SLC35F3: variants seen among roughly 807,000 people sequenced by gnomAD.
SLC35F3 encodes the protein putative thiamine transporter SLC35F3.
In SLC35F3, 25 loss-of-function variants were observed where a neutral mutation model predicts 49.9. The observed-to-expected ratio is 0.50, with a 90% CI of 0.37 to 0.70. The LOEUF (loss-of-function observed/expected upper bound fraction) is 0.70, where lower values mean the gene tolerates loss of function less well. Ranked by LOEUF, SLC35F3 falls within the 30% of genes least tolerant of loss-of-function variation. The probability of loss-of-function intolerance (pLI) is 0.00; values close to 1 mark genes in which losing one functional copy is unlikely to be tolerated. For synonymous variants in SLC35F3, 275 were observed against 265.4 expected, an observed-to-expected ratio of 1.04 and a Z score of -0.35; for missense variants, 525 against 639.8, an observed-to-expected ratio of 0.82 and a Z score of 1.94.
intron 2 of SLC35F3, among the ~76,000 whole-genome samples, chr1:234,148,146 G>A (rs528593222): frequency 3.9e-5 from 6 of 152,286 alleles, no homozygotes; most frequent in African/African-American, 1.4e-4. Context: ...ACACACCTGG[G>A]GCTGGGCTCT....
At chr1:234,001,168 GC>G (rs1245697946) in intron 2 of SLC35F3, among the ~76,000 whole-genome samples, 1 of 152,152 alleles carries the variant, frequency 6.6e-6, no homozygotes, top group African/African-American at 2.4e-5. Flanking sequence ...GGATGGCAAG[GC>G]AAACATCTGT....
At chr1:233,982,787 A>G (rs1663206818) in intron 2 of SLC35F3, among the ~76,000 whole-genome samples, 2 of 152,144 alleles carry the variant, frequency 1.3e-5, no homozygotes, top group African/African-American at 2.4e-5. Context: ...GTCCCTGCCT[A>G]CACAAAGTTT....
rs117736346 is a variant in SLC35F3, at chr1:234,170,819, C to T, written c.284-60598C>T. Among the ~76,000 whole-genome samples the T allele has an allele frequency of 2.3e-4, 35 of 152,286 alleles. No individual in the cohort carries two copies. In the East Asian group the frequency reaches 3.5e-3, roughly 15 times the overall value. ...AAGAAGTACTTAACGGTTGCACGAA[C>T]GCAATTTCCTTTCCTCCCAAGTCAC... On this transcript the variant is annotated intron_variant, in intron 2 of 7. Transcript: ENST00000366618.
At chr1:234,307,428 G>C (rs75374163) in intron 3 of SLC35F3, among the ~76,000 whole-genome samples, 3,325 of 152,262 alleles carry the variant, frequency 0.022, 122 homozygotes, top group African/African-American at 0.075. Flanking sequence ...TCTCTAAGGA[G>C]TTTTCCTGTT....
intron 2 of SLC35F3, among the ~76,000 whole-genome samples, chr1:233,994,233 A>T (rs1349825348): frequency 6.6e-6 from 1 of 152,226 alleles, no homozygotes; most frequent in African/African-American, 2.4e-5. Context: ...ACTATGGACT[A>T]GGTAGGATCT....
At position 234,309,215 on chromosome 1, in the gene SLC35F3, A is replaced by G; in HGVS notation, c.723A>G (p.Ile241Met). ...CAAACTACCTGTACTTACATGCAATAAAGAAAATAAACACTACGGATGTCT... is the reference window on the plus strand; with the variant it reads ...CAAACTACCTGTACTTACATGCAATGAAGAAAATAAACACTACGGATGTCT... ...TLTNYLYLHA[I>M]KKINTTDVSV... Residue 241 changes from isoleucine to methionine, a missense_variant, in exon 4 of 8, where the codon ATA (isoleucine) becomes ATG (methionine). By Grantham distance (10) the Ile-to-Met change is conservative. Transcript: ENST00000366618. 6.2e-7 allele frequency: 1 copy of G among 1,614,234 alleles called. No homozygotes were observed. The highest frequency in any genetic ancestry group is 8.5e-7 in the Non-Finnish European group (1 of 1,180,036).
intron 2 of SLC35F3, among the ~76,000 whole-genome samples, chr1:233,929,692 C>T (rs1662212158): frequency 6.6e-6 from 1 of 152,108 alleles, no homozygotes; most frequent in Non-Finnish European, 1.5e-5. Flanking sequence ...TAATGCAACC[C>T]TTAAAGAGCC....
In SLC35F3 at chr1:233,954,668, T is replaced by C. The variant is rs1308456780; in HGVS notation, c.283+48910T>C. 2.0e-5 allele frequency among the ~76,000 whole-genome samples: 3 copies of C among 152,308 alleles called. No homozygotes were observed. The East Asian group carries it at 5.8e-4, about 29-fold the overall frequency. ...AAAGCCTCCCAAAGATAAAGGGCTT[T>C]ATCTTTTGCTCTTCCCTTTTCCCCC... On this transcript the variant is annotated intron_variant, in intron 2 of 7. Transcript: ENST00000366618.
chr1:234,161,630 G>A (rs1223015192), intron 2 of SLC35F3, among the ~76,000 whole-genome samples: 1 of 151,960 alleles, frequency 6.6e-6, no homozygotes, highest in East Asian at 1.9e-4. Flanking sequence ...GCTGGAAAAT[G>A]TAAAACAAAA....
chr1:234,009,564 G>T (rs1480805133), intron 2 of SLC35F3, among the ~76,000 whole-genome samples: 1 of 152,146 alleles, frequency 6.6e-6, no homozygotes, highest in East Asian at 1.9e-4. Context: ...GGGTTATAAT[G>T]TACCTCCCAA....
chr1:233,980,760 G>C lies in SLC35F3; in HGVS notation c.283+75002G>C, dbSNP rs563144497. Among the ~76,000 whole-genome samples, 4 of 152,274 alleles carry C rather than the reference G, an allele frequency of 2.6e-5. No individual in the cohort carries two copies. In the East Asian group the frequency reaches 7.7e-4, roughly 29 times the overall value. On this transcript the variant is annotated intron_variant, in intron 2 of 7. Transcript: ENST00000366618. ...ATACACTGAAACAAGTGAGAAATTT[G>C]AGCTCCCTTCACATCGTACTGTCAA...
intron 6 of SLC35F3, 81 bp downstream of exon 6, chr1:234,319,024 A>T: frequency 8.6e-7 from 1 of 1,160,666 alleles, no homozygotes. Context: ...CCCTGAAGGC[A>T]GAAAACAGTG....
At chr1:233,986,652 A>G (rs1663270475) in intron 2 of SLC35F3, among the ~76,000 whole-genome samples, 1 of 152,166 alleles carries the variant, frequency 6.6e-6, no homozygotes, top group African/African-American at 2.4e-5. Flanking sequence ...GCAGTTCTTA[A>G]TTGAATGATT....
intron 2 of SLC35F3, among the ~76,000 whole-genome samples, chr1:234,092,425 A>G (rs994332481): frequency 2.0e-5 from 3 of 152,054 alleles, no homozygotes; most frequent in Admixed American, 6.5e-5. Context: ...CACTTGCCCC[A>G]GAGTTTCTTG....
intron 4 of SLC35F3, 29 bp downstream of exon 4, chr1:234,309,349 C>G: frequency 6.2e-7 from 1 of 1,602,558 alleles, no homozygotes; most frequent in Non-Finnish European, 8.5e-7. Flanking sequence ...GTCTTCCTCC[C>G]TCACTCAGTC....
intron 2 of SLC35F3, among the ~76,000 whole-genome samples, chr1:234,152,011 C>G (rs1056922925): frequency 2.0e-5 from 3 of 151,096 alleles, no homozygotes; most frequent in African/African-American, 7.3e-5. Flanking sequence ...CATTTCATTT[C>G]ATTTTAACTT....
At chr1:234,302,101 G>A (rs1291111011) in intron 3 of SLC35F3, among the ~76,000 whole-genome samples, 1 of 152,106 alleles carries the variant, frequency 6.6e-6, no homozygotes, top group East Asian at 1.9e-4. Context: ...AAACCACCAT[G>A]GCATGCATGT....
intron 4 of SLC35F3, among the ~76,000 whole-genome samples, chr1:234,315,196 C>G (rs1266988550): frequency 2.0e-5 from 3 of 152,188 alleles, no homozygotes; most frequent in Non-Finnish European, 4.4e-5. Flanking sequence ...CGACAACCAC[C>G]TGCTCTCTCA....
chr1:234,078,252 GTCTTCCTCT>G (rs1451473222), intron 2 of SLC35F3, among the ~76,000 whole-genome samples: 1 of 151,968 alleles, frequency 6.6e-6, no homozygotes, highest in Admixed American at 6.6e-5. Flanking sequence ...TTAAAGATTT[GTCTTCCTCT>G]TCTTCCTCCT....
Sources: gnomAD v4.1 joint callset for allele counts (sites outside exome capture counted in the v4.1 genomes callset) on GRCh38, gnomAD v4.1.1 for gene constraint, MANE v1.5 for transcripts, NCBI Gene and HGNC (gene_info 2026-07-23, HGNC 2026-07-21) for gene names.